Variants in RBPMS2 observed in about 807,000 individuals in gnomAD.
RBPMS2 encodes RNA binding protein, mRNA processing factor 2, also known as RNA-binding protein with multiple splicing 2.
In RBPMS2, 14 loss-of-function variants were observed where a neutral mutation model predicts 25.7. The observed-to-expected ratio is 0.55, with a 90% CI of 0.36 to 0.85. The LOEUF is 0.85. Among genes scored for constraint, RBPMS2 ranks in the 40% least tolerant of loss-of-function variants. The probability of loss-of-function intolerance (pLI) is 0.01; values close to 1 mark genes in which losing one functional copy is unlikely to be tolerated. For missense variants in RBPMS2, 252 were observed against 283.4 expected, an observed-to-expected ratio of 0.89 and a Z score of 0.80; for synonymous variants, 127 against 115.6, an observed-to-expected ratio of 1.10 and a Z score of -0.63.
intron 2 of RBPMS2, among the ~76,000 whole-genome samples, chr15:64,751,321 A>C (rs908273970): frequency 1.4e-5 from 2 of 141,452 alleles, no homozygotes; most frequent in African/African-American, 5.0e-5. Flanking sequence ...CGGCAGAGCA[A>C]GACTCGTCTC....
At chr15:64,764,223 C>A (rs1002620081) in intron 1 of RBPMS2, among the ~76,000 whole-genome samples, 1 of 152,200 alleles carries the variant, frequency 6.6e-6, no homozygotes, top group African/African-American at 2.4e-5. Context: ...TAACACAGAT[C>A]TACTGCCTGC....
intron 1 of RBPMS2, among the ~76,000 whole-genome samples, chr15:64,765,315 T>A (rs1026985374): frequency 6.9e-6 from 1 of 144,966 alleles, no homozygotes; most frequent in Non-Finnish European, 1.5e-5. Context: ...CTCGGGAGGC[T>A]GAGGCAGGAG....
intron 6 of RBPMS2, among the ~76,000 whole-genome samples, chr15:64,744,798 GTTTTTTTTTTTTTTTTTTTT>G (rs748967917): frequency 2.2e-5 from 1 of 46,290 alleles, no homozygotes; most frequent in Non-Finnish European, 3.9e-5. Flanking sequence ...GGTTTGTTTT[GTTTTTTTTTTTTTTTTTTTT>G]TTTTTTTTTT....
chr15:64,765,583 TA>T (rs5813321), intron 1 of RBPMS2, among the ~76,000 whole-genome samples: 5 of 149,018 alleles, frequency 3.4e-5, no homozygotes, highest in African/African-American at 1.0e-4. Flanking sequence ...TGTGTCAGAA[TA>T]AAAAAAAGGG....
chr15:64,743,001 C>T (rs1391404753), intron 6 of RBPMS2, among the ~76,000 whole-genome samples: 1 of 152,232 alleles, frequency 6.6e-6, no homozygotes, highest in Non-Finnish European at 1.5e-5. Context: ...GACACTAGCA[C>T]TTATTCCACA....
intron 1 of RBPMS2, among the ~76,000 whole-genome samples, chr15:64,752,518 C>G (rs1386573907): frequency 6.6e-6 from 1 of 152,142 alleles, no homozygotes; most frequent in Admixed American, 6.5e-5. Flanking sequence ...TAAATGTTGA[C>G]TGAACAGGGT....
intron 4 of RBPMS2, 22 bp from the exon 5 acceptor site, chr15:64,749,172 G>A (rs953679538): frequency 1.2e-5 from 19 of 1,613,802 alleles, no homozygotes; most frequent in Non-Finnish European, 1.6e-5. Context: ...GAGAAAAGAA[G>A]AGAAAGGCTT....
chr15:64,742,890 ACCCGTTCCTATC>A (rs1384203331), intron 6 of RBPMS2, among the ~76,000 whole-genome samples: 1 of 151,906 alleles, frequency 6.6e-6, no homozygotes, highest in African/African-American at 2.4e-5. Context: ...CTTCCTAAGA[ACCCGTTCCTATC>A]CCCGCCAAAT....
rs146207243 is a variant in RBPMS2, at chr15:64,742,967, A to C, written c.568-1725T>G. 2.0e-5 allele frequency among the ~76,000 whole-genome samples: 3 copies of C among 152,344 alleles called. No homozygotes were observed. The East Asian group carries it at 5.8e-4, about 29-fold the overall frequency. On this transcript the variant is annotated intron_variant, in intron 6 of 7. Transcript: ENST00000300069. ...TCCAGCCACCACATCCCAGGAGCTC[A>C]GCGGGAAGTTAGAAACCTGGCTGGA...
intron 1 of RBPMS2, among the ~76,000 whole-genome samples, chr15:64,759,186 G>A (rs991306397): frequency 6.6e-6 from 1 of 152,170 alleles, no homozygotes; most frequent in Non-Finnish European, 1.5e-5. Context: ...TCCTGGGGAA[G>A]GGGAGCACAG....
intron 1 of RBPMS2, among the ~76,000 whole-genome samples, chr15:64,760,458 G>C (rs192661319): frequency 6.6e-6 from 1 of 152,174 alleles, no homozygotes; most frequent in Non-Finnish European, 1.5e-5. Context: ...ACAGTGGTAG[G>C]CTCAGGGATA....
chr15:64,756,898 C>T (rs1201105351), intron 1 of RBPMS2, among the ~76,000 whole-genome samples: 17 of 150,728 alleles, frequency 1.1e-4, no homozygotes, highest in Non-Finnish European at 2.1e-4. Flanking sequence ...GAATCCCTGA[C>T]CTCAAGTGAT....
At chr15:64,772,952 A>AAG (rs1175304115) in intron 1 of RBPMS2, among the ~76,000 whole-genome samples, 4 of 152,120 alleles carry the variant, frequency 2.6e-5, no homozygotes, top group African/African-American at 2.4e-5. Flanking sequence ...AGGCTATCCA[A>AAG]AGCAGTTCAG....
intron 1 of RBPMS2, among the ~76,000 whole-genome samples, chr15:64,767,126 C>T (rs1401537486): frequency 6.6e-6 from 1 of 151,718 alleles, no homozygotes; most frequent in African/African-American, 2.4e-5. Context: ...GAGACAGGGG[C>T]TCTCACTCTA....
At chr15:64,765,413 C>CA (rs1255711725) in intron 1 of RBPMS2, among the ~76,000 whole-genome samples, 6,090 of 107,906 alleles carry the variant, frequency 0.056, 189 homozygotes, top group African/African-American at 0.1. Context: ...GACTCCGTCT[C>CA]AAAAAAAAAA....
intron 6 of RBPMS2, among the ~76,000 whole-genome samples, chr15:64,745,392 T>C (rs997398711): frequency 6.6e-6 from 1 of 152,220 alleles, no homozygotes; most frequent in African/African-American, 2.4e-5. Flanking sequence ...ACTAAGTTCA[T>C]TTAATCCTCA....
chr15:64,743,639 CAG>C (rs551458706), intron 6 of RBPMS2, among the ~76,000 whole-genome samples: 836 of 25,370 alleles, frequency 0.033, 9 homozygotes, highest in African/African-American at 0.054. Flanking sequence ...CAGTTGTGCC[CAG>C]GGGGGGGGGG....
chr15:64,757,126 C>T (rs1414293920), intron 1 of RBPMS2, among the ~76,000 whole-genome samples: 1 of 152,046 alleles, frequency 6.6e-6, no homozygotes, highest in East Asian at 1.9e-4. Context: ...GTGTGCACCA[C>T]AATGCCTGGC....
intron 6 of RBPMS2, among the ~76,000 whole-genome samples, chr15:64,741,591 C>T (rs565567460): frequency 5.9e-5 from 9 of 152,316 alleles, no homozygotes; most frequent in Admixed American, 3.9e-4. Flanking sequence ...TGACACAGCA[C>T]GGAATTCCTA....
Sources: gnomAD v4.1 joint callset for allele counts (sites outside exome capture counted in the v4.1 genomes callset) on GRCh38, gnomAD v4.1.1 for gene constraint, MANE v1.5 for transcripts, NCBI Gene and HGNC (gene_info 2026-07-23, HGNC 2026-07-21) for gene names.